Variants in C1orf21 observed in about 807,000 individuals in gnomAD.
C1orf21 encodes uncharacterized protein C1orf21.
C1orf21 carries 3 observed loss-of-function variants against 18.7 expected under a neutral mutation model. That is an observed-to-expected ratio of 0.16 (90% confidence interval 0.07 to 0.42). The LOEUF is 0.42. Ranked by LOEUF, C1orf21 falls within the 10% of genes least tolerant of loss-of-function variation. The pLI is 0.99. For synonymous variants in C1orf21, 41 were observed against 46.4 expected, an observed-to-expected ratio of 0.88 and a Z score of 0.47; for missense variants, 104 against 143.6, an observed-to-expected ratio of 0.72 and a Z score of 1.41.
chr1:184,504,137 G>T (rs1658017068), intron 2 of C1orf21, among the ~76,000 whole-genome samples: 1 of 152,168 alleles, frequency 6.6e-6, no homozygotes. Context: ...TTTTACCCCA[G>T]ATCTATTTTG....
intron 4 of C1orf21, among the ~76,000 whole-genome samples, chr1:184,594,712 T>C (rs1020801670): frequency 6.6e-6 from 1 of 152,150 alleles, no homozygotes; most frequent in Non-Finnish European, 1.5e-5. Flanking sequence ...AGAAGTCCCC[T>C]CCTGCACCTG....
chr1:184,455,844 C>A (rs1315288452), intron 1 of C1orf21, among the ~76,000 whole-genome samples: 1 of 152,144 alleles, frequency 6.6e-6, no homozygotes, highest in Non-Finnish European at 1.5e-5. Flanking sequence ...TTTTTGATAG[C>A]AACCCTAGAA....
intron 5 of C1orf21, among the ~76,000 whole-genome samples, chr1:184,604,018 G>A (rs892886770): frequency 1.3e-5 from 2 of 152,274 alleles, no homozygotes; most frequent in African/African-American, 2.4e-5. Flanking sequence ...TCTGATCCAT[G>A]TTATGAGTCG....
intron 1 of C1orf21, among the ~76,000 whole-genome samples, chr1:184,446,881 C>T: frequency 7.3e-6 from 1 of 136,566 alleles, no homozygotes; most frequent in African/African-American, 2.8e-5. Flanking sequence ...GAGACAGGTA[C>T]TGATATTTCG....
At position 184,561,598 on chromosome 1, in the gene C1orf21, G is replaced by C. The variant is rs569029536; in HGVS notation, c.190-29141G>C. Among the ~76,000 whole-genome samples, 4 of 152,168 alleles carry C rather than the reference G, an allele frequency of 2.6e-5. No homozygotes were observed. The East Asian group carries it at 7.7e-4, about 29-fold the overall frequency. ...CCAAAAGTCTGACTTTGTTGAACAG[G>C]TATGTTTCTAGGGTTGTTTGTTTGT... On this transcript the variant is annotated intron_variant, in intron 3 of 5. Coordinates refer to ENST00000235307, the MANE Select transcript of C1orf21 (RefSeq NM_030806.4).
intron 1 of C1orf21, among the ~76,000 whole-genome samples, chr1:184,431,657 G>C (rs997298561): frequency 3.9e-5 from 6 of 152,072 alleles, no homozygotes; most frequent in South Asian, 2.1e-4. Context: ...CACAGAAAAA[G>C]AAACTACCAT....
chr1:184,396,806 A>G (rs981428462), intron 1 of C1orf21, among the ~76,000 whole-genome samples: 2 of 152,020 alleles, frequency 1.3e-5, no homozygotes, highest in Admixed American at 6.5e-5. Context: ...TTTTGAGTTT[A>G]TTTGATTAAT....
At chr1:184,610,452 C>A (rs1004240803) in intron 5 of C1orf21, among the ~76,000 whole-genome samples, 26 of 152,286 alleles carry the variant, frequency 1.7e-4, no homozygotes, top group Middle Eastern at 3.4e-3. Context: ...CATTATCTCT[C>A]CATGTCTTTA....
intron 3 of C1orf21, among the ~76,000 whole-genome samples, chr1:184,568,834 T>C (rs139491421): frequency 6.6e-6 from 1 of 152,356 alleles, no homozygotes; most frequent in African/African-American, 2.4e-5. Context: ...GCCCTTTCTG[T>C]GCCCAGCTTC....
chr1:184,571,323 AG>A (rs1659109848), intron 3 of C1orf21, among the ~76,000 whole-genome samples: 1 of 148,840 alleles, frequency 6.7e-6, no homozygotes, highest in South Asian at 2.1e-4. Context: ...AAAAAAGAAA[AG>A]GTACGGTAAA....
chr1:184,413,979 A>G (rs901615045), intron 1 of C1orf21, among the ~76,000 whole-genome samples: 1 of 152,130 alleles, frequency 6.6e-6, no homozygotes, highest in African/African-American at 2.4e-5. Flanking sequence ...CCTATTGACC[A>G]TTGTGCCTTC....
Position 184,477,446 on chromosome 1 carries a change from A to T in C1orf21, c.-64A>T. The T allele has an allele frequency of 1.4e-6, 2 of 1,382,860 alleles. No homozygotes were observed. The highest frequency in any genetic ancestry group is 2.0e-6 in the Non-Finnish European group (2 of 994,608). 85.7% of individuals were successfully genotyped at this position (1,382,860 alleles called of 1,614,324 possible). ...ATTTTCTTTGTGTTTAAAGAAAAAA[A>T]ATGTCCCTGTGTCTGTAGAGATGAT... On this transcript the variant is annotated 5_prime_UTR_variant, in exon 2 of 6. Coordinates refer to ENST00000235307, the MANE Select transcript of C1orf21 (RefSeq NM_030806.4).
At chr1:184,440,069 A>G (rs1656921062) in intron 1 of C1orf21, among the ~76,000 whole-genome samples, 1 of 152,270 alleles carries the variant, frequency 6.6e-6, no homozygotes, top group Admixed American at 6.5e-5. Context: ...TGAGGAGCCA[A>G]TAAGATGGAT....
intron 1 of C1orf21, among the ~76,000 whole-genome samples, chr1:184,454,354 T>C (rs1281406783): frequency 6.6e-6 from 1 of 152,158 alleles, no homozygotes; most frequent in Non-Finnish European, 1.5e-5. Flanking sequence ...TGAGTCTTAA[T>C]GAATTTAGAG....
intron 1 of C1orf21, among the ~76,000 whole-genome samples, chr1:184,460,620 G>GTCGTCTTCTTCTTCTTCTTCTTCT (rs1284129710): frequency 8.9e-6 from 1 of 112,040 alleles, no homozygotes; most frequent in African/African-American, 4.0e-5. Context: ...TGTCGTCGTC[G>GTCGTCTTCTTCTTCTTCTTCTTCT]TCTTCTTCTT....
chr1:184,502,686 G>A (rs1657995137), intron 2 of C1orf21, among the ~76,000 whole-genome samples: 1 of 152,068 alleles, frequency 6.6e-6, no homozygotes, highest in Non-Finnish European at 1.5e-5. Context: ...CCCTCGTAGA[G>A]ATACAGTGGT....
intron 5 of C1orf21, among the ~76,000 whole-genome samples, chr1:184,604,892 A>G (rs1659629244): frequency 1.3e-5 from 2 of 152,190 alleles, no homozygotes; most frequent in Admixed American, 6.5e-5. Flanking sequence ...TTGAGGATCT[A>G]TCAGCCTGGC....
At chr1:184,471,468 A>G (rs1223587762) in intron 1 of C1orf21, among the ~76,000 whole-genome samples, 1 of 152,148 alleles carries the variant, frequency 6.6e-6, no homozygotes, top group Non-Finnish European at 1.5e-5. Flanking sequence ...TTAAGTGGTC[A>G]TTTCATCCTT....
intron 4 of C1orf21, among the ~76,000 whole-genome samples, chr1:184,592,960 G>A (rs1659460127): frequency 6.6e-6 from 1 of 152,146 alleles, no homozygotes; most frequent in African/African-American, 2.4e-5. Flanking sequence ...GGTGAATGTT[G>A]TGCTATGGCC....
Sources: gnomAD v4.1 joint callset for allele counts (sites outside exome capture counted in the v4.1 genomes callset) on GRCh38, gnomAD v4.1.1 for gene constraint, MANE v1.5 for transcripts, NCBI Gene and HGNC (gene_info 2026-07-23, HGNC 2026-07-21) for gene names.